The following PTPRD variants were observed in gnomAD, a reference collection of about 807,000 sequenced individuals.
The protein encoded by PTPRD is protein tyrosine phosphatase receptor type D.
A neutral mutation model predicts 214.5 loss-of-function variants in PTPRD; 34 were observed. The observed-to-expected ratio is 0.16, with a 90% confidence interval of 0.12 to 0.21. The LOEUF (loss-of-function observed/expected upper bound fraction) is 0.21, where lower values mean the gene tolerates loss of function less well. PTPRD is among the 10% of genes least tolerant of loss of function. The pLI is 1.00. For synonymous variants in PTPRD, 1,128 were observed against 845.7 expected (o/e 1.33, Z -5.79); for missense variants, 2,545 against 2,398.7 (o/e 1.06, Z -1.27).
At chr9:8,813,946 T>C (rs1332317362) in intron 11 of PTPRD, among the ~76,000 whole-genome samples, 2 of 152,232 alleles carry the variant, frequency 1.3e-5, no homozygotes, top group African/African-American at 4.8e-5. Context: ...TTAGGTGCTT[T>C]CACATTTCTT....
intron 11 of PTPRD, among the ~76,000 whole-genome samples, chr9:8,898,480 C>T (rs1250666032): frequency 6.6e-6 from 1 of 152,032 alleles, no homozygotes; most frequent in East Asian, 1.9e-4. Flanking sequence ...ATCCAGATTT[C>T]TATTTTATAT....
In PTPRD at chr9:8,726,026, G is replaced by GAC. The variant is rs71500962; in HGVS notation, c.64+7752_64+7753dup. Among the ~76,000 whole-genome samples the GAC allele has an allele frequency of 9.9e-3, 1,386 of 139,562 alleles. 21 individuals carry two copies. Among genetic ancestry groups the GAC allele is most frequent in the East Asian group, 0.062 (304 of 4,872 alleles). The allele number at this position is 139,562 out of a possible 152,430, so 91.6% of individuals were successfully genotyped here. A position where few individuals can be genotyped will look rare whatever the true frequency, so the allele number is the denominator to read the frequency against. Reference sequence around the variant, plus strand: ...CACATAGCAGACAGACAGACAGACAGACACACACACACACACACACACACA... The same window carrying GAC: ...CACATAGCAGACAGACAGACAGACAGACACACACACACACACACACACACACA... On this transcript the variant is annotated intron_variant, in intron 12 of 45. Transcript: ENST00000381196.
At chr9:10,415,124 A>G (rs947462279) in intron 2 of PTPRD, among the ~76,000 whole-genome samples, 1 of 151,878 alleles carries the variant, frequency 6.6e-6, no homozygotes, top group African/African-American at 2.4e-5. Context: ...TATAAAAAAC[A>G]TAGCCTAAAT....
At chr9:10,489,362 T>G (rs1262047313) in intron 2 of PTPRD, among the ~76,000 whole-genome samples, 1 of 152,112 alleles carries the variant, frequency 6.6e-6, no homozygotes, top group African/African-American at 2.4e-5. Flanking sequence ...CACCTTTCCC[T>G]CTATTCTCCT....
chr9:10,480,027 T>C (rs577780553), intron 2 of PTPRD, among the ~76,000 whole-genome samples: 4 of 152,302 alleles, frequency 2.6e-5, no homozygotes, highest in African/African-American at 7.2e-5. Context: ...AAGATATGAA[T>C]GATTGTTCTC....
At chr9:10,521,607 C>T (rs1310579454) in intron 2 of PTPRD, among the ~76,000 whole-genome samples, 1 of 152,074 alleles carries the variant, frequency 6.6e-6, no homozygotes, top group Non-Finnish European at 1.5e-5. Context: ...AAATCTGAGA[C>T]AATCAATGCA....
At chr9:9,693,340 A>T (rs548895496) in intron 7 of PTPRD, among the ~76,000 whole-genome samples, 2 of 152,246 alleles carry the variant, frequency 1.3e-5, no homozygotes, top group African/African-American at 2.4e-5. Flanking sequence ...TGAGTGGATT[A>T]TCATGAGATC....
chr9:8,459,196 G>A (rs1044551147), intron 33 of PTPRD, among the ~76,000 whole-genome samples: 7 of 151,912 alleles, frequency 4.6e-5, no homozygotes, highest in Non-Finnish European at 8.8e-5. Context: ...AGCTAGATGG[G>A]TAGGAAAAAG....
Position 9,044,060 on chromosome 9 carries a change from C to A in PTPRD, c.-142-25325G>T, listed in dbSNP as rs112611819. On this transcript the variant is annotated intron_variant, in intron 10 of 45. Coordinates refer to ENST00000381196, the MANE Select transcript of PTPRD (RefSeq NM_002839.4). Reference sequence around the variant, plus strand: ...AGAGCTAATGTTACTCTTAGGAAGTCTGATGTATTAGTGTTATAACTGTGT... The same window carrying A: ...AGAGCTAATGTTACTCTTAGGAAGTATGATGTATTAGTGTTATAACTGTGT... Among the ~76,000 whole-genome samples, 417 of 152,212 alleles carry A rather than the reference C, an allele frequency of 2.7e-3. 3 individuals are homozygous for A. The highest frequency in any genetic ancestry group is 9.4e-3 in the African/African-American group (390 of 41,534).
At chr9:8,889,757 C>G (rs748856232) in intron 11 of PTPRD, among the ~76,000 whole-genome samples, 3 of 152,156 alleles carry the variant, frequency 2.0e-5, no homozygotes, top group South Asian at 2.1e-4. Context: ...ATAATGGTCT[C>G]TAACTCAATC....
At chr9:10,023,759 C>CA (rs376750053) in intron 4 of PTPRD, among the ~76,000 whole-genome samples, 3,520 of 138,034 alleles carry the variant, frequency 0.026, 167 homozygotes, top group African/African-American at 0.089. Flanking sequence ...GTGTTAAGTC[C>CA]AAAAAAAAAA....
intron 2 of PTPRD, among the ~76,000 whole-genome samples, chr9:10,523,701 G>T (rs970745686): frequency 8.2e-5 from 12 of 145,502 alleles, no homozygotes; most frequent in Non-Finnish European, 1.8e-4. Context: ...TAATATGTTT[G>T]TTTACAGGTG....
chr9:9,137,339 T>C (rs924701289), intron 10 of PTPRD, among the ~76,000 whole-genome samples: 15 of 152,214 alleles, frequency 9.9e-5, no homozygotes, highest in African/African-American at 3.6e-4. Context: ...TATCATTCTC[T>C]TGGTCTGTCT....
chr9:10,588,990 AC>A (rs2132766144), intron 2 of PTPRD, among the ~76,000 whole-genome samples: 1 of 152,116 alleles, frequency 6.6e-6, no homozygotes, highest in African/African-American at 2.4e-5. Flanking sequence ...ATATTGTAGA[AC>A]CTTTTCGTCT....
intron 7 of PTPRD, among the ~76,000 whole-genome samples, chr9:9,682,941 T>G (rs542886687): frequency 3.3e-4 from 50 of 151,868 alleles, no homozygotes; most frequent in African/African-American, 1.1e-3. Context: ...GGAAAGAGCT[T>G]TAACTGATGA....
chr9:10,519,663 C>T (rs903852543), intron 2 of PTPRD, among the ~76,000 whole-genome samples: 1 of 152,096 alleles, frequency 6.6e-6, no homozygotes, highest in Non-Finnish European at 1.5e-5. Flanking sequence ...GCCAATTTTG[C>T]AATAGCATGT....
intron 11 of PTPRD, among the ~76,000 whole-genome samples, chr9:8,981,347 T>C (rs996257213): frequency 6.6e-6 from 1 of 152,108 alleles, no homozygotes; most frequent in African/African-American, 2.4e-5. Context: ...GGATTGTTAA[T>C]ATGCTAGAAA....
intron 10 of PTPRD, among the ~76,000 whole-genome samples, chr9:9,173,966 G>T (rs1387052578): frequency 3.3e-5 from 5 of 151,954 alleles, no homozygotes; most frequent in African/African-American, 1.2e-4. Flanking sequence ...AAAAAGAATT[G>T]CAAATGCCTC....
At chr9:9,121,902 T>A (rs1454524979) in intron 10 of PTPRD, among the ~76,000 whole-genome samples, 14 of 152,236 alleles carry the variant, frequency 9.2e-5, no homozygotes, top group Admixed American at 9.2e-4. Context: ...CTGAACAATA[T>A]TATTCAATGT....
Sources: allele counts gnomAD v4.1 joint callset (sites outside exome capture counted in the v4.1 genomes callset), GRCh38; gene constraint gnomAD v4.1.1; transcripts MANE v1.5; gene names NCBI Gene and HGNC (gene_info 2026-07-23, HGNC 2026-07-21).